Variants in YTHDC2 observed in about 807,000 individuals in gnomAD.
YTHDC2 encodes the protein 3'-5' RNA helicase YTHDC2.
In YTHDC2, 45 loss-of-function variants were observed where a neutral mutation model predicts 174.9. That is an observed-to-expected ratio of 0.26 (90% CI 0.20 to 0.33). The LOEUF is 0.33. Among genes scored for constraint, YTHDC2 ranks in the 10% least tolerant of loss-of-function variants. The pLI, the probability that YTHDC2 is intolerant of heterozygous loss-of-function variation, is 1.00. For synonymous variants in YTHDC2, 657 were observed against 574.5 expected, an observed-to-expected ratio of 1.14 and a Z score of -2.05; for missense variants, 1,650 against 1,723.7, an observed-to-expected ratio of 0.96 and a Z score of 0.76.
intron 26 of YTHDC2, 145 bp downstream of exon 26, chr5:113,584,624 T>A: frequency 1.5e-6 from 1 of 669,512 alleles, no homozygotes; most frequent in Non-Finnish European, 2.4e-6. Context: ...CTTGATACAG[T>A]TTGAGTAAAT....
rs759673651 is a variant in YTHDC2, at chr5:113,514,122, C to A, written c.187+40C>A. ...AGGGACCATGCTGGCAGTCAGGATA[C>A]CCCCCTCACCCCAGCGCCCCCCAAA... On this transcript the variant is annotated intron_variant, in intron 1 of 29. Transcript: ENST00000161863. 7.6e-6 allele frequency: 12 copies of A among 1,579,732 alleles called. No homozygotes were observed. The East Asian group carries it at 2.1e-4, about 27-fold the overall frequency.
At position 113,517,499 on chromosome 5, in the gene YTHDC2, C is replaced by A. The variant is rs867107046; in HGVS notation, c.278+2137C>A. ...GAGCTGATCTGGAATGAATAGATAT[C>A]TTGGGAAGGAGAATTCAAGAAGGAA... On this transcript the variant is annotated intron_variant, in intron 2 of 29. Transcript: ENST00000161863. 8 of 454,754 alleles carry A rather than the reference C, an allele frequency of 1.8e-5. No homozygotes were observed. The Middle Eastern group carries it at 2.3e-3, about 129-fold the overall frequency. 28.2% of individuals were successfully genotyped at this position (454,754 alleles called of 1,614,324 possible).
intron 27 of YTHDC2, among the ~76,000 whole-genome samples, chr5:113,591,467 C>T (rs1779003185): frequency 6.6e-6 from 1 of 151,980 alleles, no homozygotes; most frequent in Non-Finnish European, 1.5e-5. Context: ...ACTATGTTTC[C>T]TTCTGAAGAC....
At chr5:113,566,667 C>T (rs1580603454) in intron 21 of YTHDC2, among the ~76,000 whole-genome samples, 1 of 152,000 alleles carries the variant, frequency 6.6e-6, no homozygotes, top group Non-Finnish European at 1.5e-5. Flanking sequence ...GAAACTCAAG[C>T]AAAAATTACC....
At position 113,591,081 on chromosome 5, in the gene YTHDC2, G is replaced by A. The variant is rs750630560; in HGVS notation, c.3866G>A (p.Arg1289Gln). 8 of 1,613,838 alleles carry A rather than the reference G, an allele frequency of 5.0e-6. No homozygotes were observed. The highest frequency in any genetic ancestry group is 4.4e-5 in the South Asian group (4 of 91,072). ...TCGCCAAGACCAAACATGCCTGTTCGATACTTCATAATGAAGAGTAGCAAT... is the reference window on the plus strand; with the variant it reads ...TCGCCAAGACCAAACATGCCTGTTCAATACTTCATAATGAAGAGTAGCAAT... The part of the protein sequence containing the change: ...SPSPRPNMPV[R>Q]YFIMKSSNLR... Residue 1289 changes from arginine (R) to glutamine (Q), a missense_variant, in exon 27 of 30, where the codon CGA becomes CAA. Around this residue, in one of 5 missense-constraint regions of YTHDC2, gnomAD observed 913 missense variants for 940.4 expected, o/e 0.97. Coordinates refer to ENST00000161863, the MANE Select transcript of YTHDC2 (RefSeq NM_022828.5).
chr5:113,514,379 A>C (rs530270835), intron 1 of YTHDC2: 1 of 622,570 alleles, frequency 1.6e-6, no homozygotes, highest in Non-Finnish European at 3.0e-6. Context: ...ACCGTGTTTC[A>C]GATATTGGTT....
chr5:113,540,161 A>G lies in YTHDC2; in HGVS notation c.1211-807A>G, dbSNP rs931400645. 3.9e-5 allele frequency among the ~76,000 whole-genome samples: 6 copies of G among 152,224 alleles called. No individual in the cohort carries two copies. The South Asian group carries it at 1.2e-3, about 31-fold the overall frequency. On this transcript the variant is annotated intron_variant, in intron 8 of 29. Transcript: ENST00000161863. ...CCTCAGTGTCCTAAAGTGGAACTAC[A>G]GGCATGAGCCACCATGTCCAGCTGA...
chr5:113,517,157 A>G lies in YTHDC2; in HGVS notation c.278+1795A>G, dbSNP rs367572798. On this transcript the variant is annotated intron_variant, in intron 2 of 29. Transcript: ENST00000161863. ...GGCCATCACCTTTAGTCACATTTAT[A>G]TTTTTGCTGGAAATTCTATGAATAT... 4.6e-5 allele frequency among the ~76,000 whole-genome samples: 7 copies of G among 152,266 alleles called. No individual in the cohort carries two copies. The East Asian group carries it at 1.4e-3, about 29-fold the overall frequency.
chr5:113,586,366 C>T (rs1778679724), intron 26 of YTHDC2, among the ~76,000 whole-genome samples: 1 of 151,898 alleles, frequency 6.6e-6, no homozygotes, highest in Admixed American at 6.6e-5. Flanking sequence ...GTTGATTTGT[C>T]ATCTTTCACT....
chr5:113,550,118 A>G (rs1580553860), intron 12 of YTHDC2, among the ~76,000 whole-genome samples: 1 of 3,426 alleles, frequency 2.9e-4, no homozygotes, highest in African/African-American at 6.8e-4. Flanking sequence ...ATTGGGGGAG[A>G]AAAAAAAAAC....
intron 25 of YTHDC2, chr5:113,582,204 G>A (rs931283991): frequency 1.3e-5 from 2 of 152,062 alleles, no homozygotes; most frequent in African/African-American, 2.4e-5. Context: ...TTGGTGTGAG[G>A]GATCTAGAAG....
At chr5:113,532,461 A>T (rs1262790788) in intron 4 of YTHDC2, among the ~76,000 whole-genome samples, 1 of 152,142 alleles carries the variant, frequency 6.6e-6, no homozygotes, top group African/African-American at 2.4e-5. Context: ...GCTTTTCATT[A>T]TTTAAAAAAT....
Position 113,549,002 on chromosome 5 carries a change from A to C in YTHDC2, c.1670A>C (p.Asp557Ala). The C allele has an allele frequency of 6.2e-7, 1 of 1,612,716 alleles. No individual in the cohort carries two copies. Among genetic ancestry groups the C allele is most frequent in the Non-Finnish European group, 8.5e-7 (1 of 1,179,190 alleles). The stretch of plus-strand genomic sequence containing the variant: ...CACTTTGGGCAGACTGAAATTGTGG[A>C]TCTTCTAGAATCTTACAGGTAAAAC... ...AKHFGQTEIV[D>A]LLESYSATLE... Residue 557 changes from aspartate (D) to alanine (A), a missense_variant, in exon 12 of 30, where the codon GAT (aspartate) becomes GCT (alanine). Transcript: ENST00000161863.
intron 4 of YTHDC2, among the ~76,000 whole-genome samples, chr5:113,531,424 G>A (rs1228306081): frequency 6.6e-6 from 1 of 152,120 alleles, no homozygotes; most frequent in Non-Finnish European, 1.5e-5. Flanking sequence ...CACCACTAGA[G>A]GGTAATTGAC....
intron 18 of YTHDC2, 125 bp from the exon 19 acceptor site, chr5:113,563,248 C>G: frequency 1.3e-6 from 1 of 751,146 alleles, no homozygotes; most frequent in Non-Finnish European, 2.0e-6. Flanking sequence ...GTTCCTTCTA[C>G]TGTTCATTCT....
chr5:113,533,458 A>G (rs1774830690), intron 5 of YTHDC2, among the ~76,000 whole-genome samples: 1 of 151,944 alleles, frequency 6.6e-6, no homozygotes, highest in African/African-American at 2.4e-5. Flanking sequence ...CTGAGGCAGG[A>G]GAATCGTTTG....
At chr5:113,518,147 CA>C (rs1773602693) in intron 2 of YTHDC2, among the ~76,000 whole-genome samples, 1 of 150,042 alleles carries the variant, frequency 6.7e-6, no homozygotes, top group Non-Finnish European at 1.5e-5. Flanking sequence ...CTTGGCCTCC[CA>C]AAGTGCTGGG....
At chr5:113,526,508 CAA>C (rs1397616331) in intron 3 of YTHDC2, 76 bp from the exon 4 acceptor site, 2 of 1,239,536 alleles carry the variant, frequency 1.6e-6, no homozygotes, top group Non-Finnish European at 2.2e-6. Context: ...CTAGGTTTGG[CAA>C]AAAAAATTAC....
intron 23 of YTHDC2, among the ~76,000 whole-genome samples, chr5:113,576,624 C>T (rs1432527596): frequency 6.6e-6 from 1 of 151,976 alleles, no homozygotes; most frequent in African/African-American, 2.4e-5. Flanking sequence ...TTAAAGATTC[C>T]TTCATTTGCT....
Sources: allele counts gnomAD v4.1 joint callset (sites outside exome capture counted in the v4.1 genomes callset), GRCh38; gene constraint gnomAD v4.1.1; regional missense constraint gnomAD v4.1.1; transcripts MANE v1.5; gene names NCBI Gene and HGNC (gene_info 2026-07-23, HGNC 2026-07-21).